PLEKHA6: variants seen among roughly 807,000 people sequenced by gnomAD.
PLEKHA6 encodes the protein pleckstrin homology domain containing A6.
Under a neutral mutation model 116.7 loss-of-function variants are expected in PLEKHA6, and 60 were observed. The ratio of observed to expected loss-of-function variants is 0.51; its 90% CI spans 0.42 to 0.64. The LOEUF (loss-of-function observed/expected upper bound fraction) is 0.64. Ranked by LOEUF, PLEKHA6 falls within the 30% of genes least tolerant of loss-of-function variation. The probability of loss-of-function intolerance (pLI) is 0.00; values close to 1 mark genes in which losing one functional copy is unlikely to be tolerated. For missense variants in PLEKHA6, 1,338 were observed against 1,422.7 expected, an observed-to-expected ratio of 0.94 and a Z score of 0.96; for synonymous variants, 489 against 556.1, an observed-to-expected ratio of 0.88 and a Z score of 1.70.
chr1:204,298,495 GC>G (rs1670506922), intron 1 of PLEKHA6, among the ~76,000 whole-genome samples: 1 of 152,158 alleles, frequency 6.6e-6, no homozygotes, highest in South Asian at 2.1e-4. Flanking sequence ...ATGGAGAATG[GC>G]AATGACACAC....
chr1:204,311,688 C>T, intron 1 of PLEKHA6: 2 of 968,632 alleles, frequency 2.1e-6, no homozygotes, highest in Non-Finnish European at 1.2e-6. Flanking sequence ...CTGAAAGTAC[C>T]TTTGCTCAAA....
chr1:204,317,716 G>A (rs559483061), intron 1 of PLEKHA6, among the ~76,000 whole-genome samples: 1 of 152,312 alleles, frequency 6.6e-6, no homozygotes, highest in South Asian at 2.1e-4. Flanking sequence ...TTGGCACATG[G>A]GAGAAATGCA....
intron 1 of PLEKHA6, among the ~76,000 whole-genome samples, chr1:204,332,949 C>A (rs949098225): frequency 6.6e-6 from 1 of 152,206 alleles, no homozygotes; most frequent in South Asian, 2.1e-4. Flanking sequence ...GTAGAAAAGA[C>A]GCTCTATAAA....
chr1:204,241,965 G>GCAC, intron 15 of PLEKHA6, 151 bp from the exon 16 acceptor site: 1 of 815,324 alleles, frequency 1.2e-6, no homozygotes, highest in Non-Finnish European at 2.0e-6. Flanking sequence ...CTGGGAGGCG[G>GCAC]ACAGGAATGC....
intron 15 of PLEKHA6, among the ~76,000 whole-genome samples, chr1:204,243,535 GC>G (rs562707795): frequency 6.6e-6 from 1 of 151,970 alleles, no homozygotes; most frequent in African/African-American, 2.4e-5. Flanking sequence ...TCATTGCCTC[GC>G]CCCCATGCCA....
rs77337578 is a variant in PLEKHA6 at position 204,230,172 on chromosome 1, A to G, written c.2583+241T>C. Among the ~76,000 whole-genome samples the G allele has an allele frequency of 3.8e-3, 573 of 152,382 alleles. 4 individuals carry two copies. The highest frequency in any genetic ancestry group is 6.6e-3 in the Non-Finnish European group (450 of 68,034). On this transcript the variant is annotated intron_variant, in intron 18 of 22. Coordinates refer to ENST00000272203, the MANE Select transcript of PLEKHA6 (RefSeq NM_014935.5). ...AGTGAATTTTGTATAATTCATTTCA[A>G]CAAACATAATTAAGGCATTCCTTTT... is the stretch of plus-strand genomic sequence containing the variant.
At chr1:204,355,110 G>A (rs1029318084) in intron 1 of PLEKHA6, among the ~76,000 whole-genome samples, 2 of 152,240 alleles carry the variant, frequency 1.3e-5, no homozygotes, top group African/African-American at 4.8e-5. Flanking sequence ...GAGGAACAGG[G>A]GCACTTAGTC....
chr1:204,354,508 T>A (rs3014613), intron 1 of PLEKHA6, among the ~76,000 whole-genome samples: 1 of 152,172 alleles, frequency 6.6e-6, no homozygotes, highest in South Asian at 2.1e-4. Flanking sequence ...GTTCAGTAAC[T>A]GACATTTGTG....
Position 204,259,324 on chromosome 1 carries a change from G to A in PLEKHA6, c.941C>T (p.Ser314Phe). ...NPDKIAQRKSSMNQLQQWVNL... is the reference protein window; with the variant it reads ...NPDKIAQRKSFMNQLQQWVNL... ...CACCCACTGCTGAAGCTGGTTCATG[G>A]AGCTCTTGCGCTGGGCAATTTTGTC... Residue 314 changes from serine (S) to phenylalanine (F), a missense_variant, in exon 8 of 23, where the codon TCC becomes TTC. By Grantham distance (155) the Ser-to-Phe change is radical (BLOSUM62 -2). Around this residue, in one of 3 missense-constraint regions of PLEKHA6, gnomAD observed 1,136 missense variants for 1,163.6 expected, o/e 0.98. Coordinates refer to ENST00000272203, the MANE Select transcript of PLEKHA6 (RefSeq NM_014935.5). This position sits in a 1 kb window ranked among gnomAD's most constrained non-coding sequence, Gnocchi z 4.6. 1 of 1,614,238 alleles carries A rather than the reference G, an allele frequency of 6.2e-7. No homozygotes were observed. The highest frequency in any genetic ancestry group is 8.5e-7 in the Non-Finnish European group (1 of 1,180,046).
intron 1 of PLEKHA6, 147 bp from the exon 2 acceptor site, chr1:204,274,956 C>T (rs1667850634): frequency 5.3e-6 from 3 of 562,206 alleles, no homozygotes; most frequent in Non-Finnish European, 2.2e-6. Context: ...CCATGGGAGG[C>T]CTGGGCTGAC....
At chr1:204,311,291 A>C (rs1671648932) in intron 1 of PLEKHA6, among the ~76,000 whole-genome samples, 1 of 152,164 alleles carries the variant, frequency 6.6e-6, no homozygotes, top group Non-Finnish European at 1.5e-5. Flanking sequence ...CGGGAGTTTG[A>C]AACCAGCCTG....
chr1:204,223,947 C>T lies in PLEKHA6; in HGVS notation c.3032-362G>A, dbSNP rs910242005. Among the ~76,000 whole-genome samples, 1 of 152,180 alleles carries T rather than the reference C, an allele frequency of 6.6e-6. No homozygotes were observed. The highest frequency in any genetic ancestry group is 2.1e-4 in the South Asian group (1 of 4,828). ...GAACCAGGGAGTGGTACTTTATATA[C>T]GGCAGTGTCACTAATGATAATGATT... On this transcript the variant is annotated intron_variant, in intron 21 of 22. Transcript: ENST00000272203. The surrounding 1 kb of genome is among the most constrained non-coding windows in gnomAD (Gnocchi z 4.8).
intron 18 of PLEKHA6, 45 bp downstream of exon 18, chr1:204,230,368 G>A (rs1182662399): frequency 1.4e-6 from 2 of 1,467,554 alleles, no homozygotes; most frequent in African/African-American, 2.8e-5. Context: ...GGGCAGTGTT[G>A]GCAGATGCCA....
chr1:204,327,536 G>A (rs980670804), intron 1 of PLEKHA6, among the ~76,000 whole-genome samples: 4 of 152,248 alleles, frequency 2.6e-5, no homozygotes, highest in East Asian at 1.9e-4. Context: ...GAGCCCCGTC[G>A]TTGATTGGCA....
In PLEKHA6 at chr1:204,230,548, C is replaced by T. The variant is rs140262128; in HGVS notation, c.2448G>A (p.Lys816=). 2 of 1,603,198 alleles carry T rather than the reference C, an allele frequency of 1.2e-6. No homozygotes were observed. Among genetic ancestry groups the T allele is most frequent in the Non-Finnish European group, 1.7e-6 (2 of 1,175,334 alleles). ...TCTGCTCCTCCACGCTCATCTTGAC[C>T]TTCCCCTCGCCAGGAAACACAGCAC... ...PKSAVFPGEG[K]VKMSVEEQID... Residue 816 remains lysine (K), a synonymous_variant, in exon 18 of 23, where the codon AAG becomes AAA. Coordinates refer to ENST00000272203, the MANE Select transcript of PLEKHA6 (RefSeq NM_014935.5).
chr1:204,374,732 T>G (rs1249799963), intron 1 of PLEKHA6, among the ~76,000 whole-genome samples: 1 of 152,170 alleles, frequency 6.6e-6, no homozygotes, highest in Non-Finnish European at 1.5e-5. Flanking sequence ...CTAAACACGC[T>G]GCCTCCCACT....
At chr1:204,349,627 C>T (rs749182434) in intron 1 of PLEKHA6, among the ~76,000 whole-genome samples, 105 of 151,818 alleles carry the variant, frequency 6.9e-4, no homozygotes, top group Non-Finnish European at 1.1e-3. Context: ...TTAGGGTGGG[C>T]TGTGGACCTG....
Position 204,218,877 on chromosome 1 carries a change from G to A in PLEKHA6, c.*3911C>T, listed in dbSNP as rs1394184982. 1.3e-5 allele frequency: 2 copies of A among 152,502 alleles called. No individual in the cohort carries two copies. The highest frequency in any genetic ancestry group is 4.8e-5 in the African/African-American group (2 of 41,392). The allele number at this position is 152,502 out of a possible 1,614,324, so 9.4% of individuals were successfully genotyped here. A position where few individuals can be genotyped will look rare whatever the true frequency, so the allele number is the denominator to read the frequency against. On this transcript the variant is annotated 3_prime_UTR_variant, in exon 23 of 23. Transcript: ENST00000272203. ...ATACAAACCATTCATTTTATTTCCT[G>A]TATTGGGTTTATACAAACTTGCAAG...
At chr1:204,348,132 T>C (rs1272906404) in intron 1 of PLEKHA6, among the ~76,000 whole-genome samples, 1 of 152,180 alleles carries the variant, frequency 6.6e-6, no homozygotes, top group East Asian at 1.9e-4. Flanking sequence ...ATCAAGAGCC[T>C]GGACAAGATA....
Sources: allele counts gnomAD v4.1 joint callset (sites outside exome capture counted in the v4.1 genomes callset), GRCh38; gene constraint gnomAD v4.1.1; regional missense constraint gnomAD v4.1.1; non-coding constraint Gnocchi (gnomAD v3.1); transcripts MANE v1.5; gene names NCBI Gene and HGNC (gene_info 2026-07-23, HGNC 2026-07-21).